Variants in PCOLCE2 observed in about 807,000 individuals in gnomAD.
The protein encoded by PCOLCE2 is procollagen C-proteinase enhancer 2.
PCOLCE2 carries 42 observed loss-of-function variants against 47.0 expected under a neutral mutation model. That is an observed-to-expected ratio of 0.89 (90% CI 0.70 to 1.16). The LOEUF (loss-of-function observed/expected upper bound fraction) is 1.16. PCOLCE2 is among the 50% of genes most tolerant of loss of function. The pLI is 0.00. For synonymous variants in PCOLCE2, 169 were observed against 191.7 expected, an observed-to-expected ratio of 0.88 and a Z score of 0.98; for missense variants, 500 against 526.1, an observed-to-expected ratio of 0.95 and a Z score of 0.49.
intron 8 of PCOLCE2, among the ~76,000 whole-genome samples, chr3:142,819,483 C>T (rs1936988552): frequency 6.6e-6 from 1 of 152,086 alleles, no homozygotes; most frequent in Non-Finnish European, 1.5e-5. Context: ...ATTATGAGAC[C>T]TTATAGAATC....
intron 2 of PCOLCE2, among the ~76,000 whole-genome samples, chr3:142,866,500 C>A (rs1197684883): frequency 6.6e-6 from 1 of 152,024 alleles, no homozygotes; most frequent in Admixed American, 6.6e-5. Flanking sequence ...ATCAATCAAT[C>A]AATAATAAAT....
intron 2 of PCOLCE2, among the ~76,000 whole-genome samples, chr3:142,857,769 T>G (rs1300742535): frequency 1.3e-5 from 2 of 152,154 alleles, no homozygotes. Flanking sequence ...GTTGAATGAA[T>G]GAACAGCTGT....
intron 8 of PCOLCE2, among the ~76,000 whole-genome samples, chr3:142,819,839 G>A (rs144692732): frequency 6.4e-4 from 98 of 152,112 alleles, no homozygotes; most frequent in African/African-American, 2.3e-3. Context: ...TAGAGCAGAG[G>A]TCTCACTATG....
intron 6 of PCOLCE2, among the ~76,000 whole-genome samples, chr3:142,828,445 T>C (rs1322465013): frequency 6.6e-6 from 1 of 152,204 alleles, no homozygotes; most frequent in Admixed American, 6.5e-5. Context: ...CCATATTGGA[T>C]AGCATAGCTG....
chr3:142,830,430 T>A (rs891925030), intron 5 of PCOLCE2, among the ~76,000 whole-genome samples: 4 of 152,154 alleles, frequency 2.6e-5, no homozygotes, highest in Admixed American at 2.6e-4. Context: ...TTCTATCCAC[T>A]CCGGGCTAAG....
At chr3:142,858,221 T>C (rs542744194) in intron 2 of PCOLCE2, among the ~76,000 whole-genome samples, 1 of 152,310 alleles carries the variant, frequency 6.6e-6, no homozygotes, top group Admixed American at 6.5e-5. Context: ...GTGTCTGCAG[T>C]GTGCACCTGG....
intron 2 of PCOLCE2, among the ~76,000 whole-genome samples, chr3:142,858,499 T>C (rs922713450): frequency 1.3e-5 from 2 of 152,186 alleles, no homozygotes; most frequent in African/African-American, 2.4e-5. Context: ...CACACACACA[T>C]GCGCACACAT....
chr3:142,884,673 T>C (rs930087787), intron 2 of PCOLCE2, among the ~76,000 whole-genome samples: 31 of 152,214 alleles, frequency 2.0e-4, no homozygotes, highest in Non-Finnish European at 3.8e-4. Context: ...TCAAGAGTCT[T>C]GAGTTCCAGT....
At chr3:142,855,319 T>C (rs1293262770) in intron 2 of PCOLCE2, among the ~76,000 whole-genome samples, 1 of 144,810 alleles carries the variant, frequency 6.9e-6, no homozygotes. Context: ...ATTGAATAAA[T>C]GACTGCGATC....
intron 6 of PCOLCE2, chr3:142,827,299 C>T (rs894083048): frequency 2.2e-6 from 3 of 1,340,176 alleles, no homozygotes; most frequent in Non-Finnish European, 3.2e-6. Context: ...TCCTCTTTGC[C>T]TTATATTTGT....
chr3:142,824,418 T>G (rs538749248), intron 6 of PCOLCE2, among the ~76,000 whole-genome samples: 1 of 152,052 alleles, frequency 6.6e-6, no homozygotes, highest in African/African-American at 2.4e-5. Flanking sequence ...AGTGCTGAGG[T>G]AGAGAAACCC....
Position 142,843,033 on chromosome 3 carries a change from C to T in PCOLCE2, c.464G>A (p.Gly155Glu). Residue 155 changes from glycine to glutamate, a missense_variant, in exon 4 of 9, where the codon GGA becomes GAA. Gly to Glu is a moderately conservative substitution (Grantham distance 98). Coordinates refer to ENST00000295992, the MANE Select transcript of PCOLCE2 (RefSeq NM_013363.4). ...GCCGGAAGGTCTGTCAAGGAGTCCTCCACAATACTGATCCCCTTCAAGTAT... is the reference window on the plus strand; with the variant it reads ...GCCGGAAGGTCTGTCAAGGAGTCCTTCACAATACTGATCCCCTTCAAGTAT... Reference protein sequence around the residue: ...EPNERGDQYCGGLLDRPSGSF... With the variant: ...EPNERGDQYCEGLLDRPSGSF... 1 of 1,613,844 alleles carries T rather than the reference C, an allele frequency of 6.2e-7. No homozygotes were observed. The highest frequency in any genetic ancestry group is 8.5e-7 in the Non-Finnish European group (1 of 1,179,798).
intron 2 of PCOLCE2, among the ~76,000 whole-genome samples, chr3:142,852,973 G>A (rs1189327327): frequency 1.3e-5 from 2 of 151,456 alleles, no homozygotes; most frequent in African/African-American, 2.4e-5. Flanking sequence ...GGATGTGGTG[G>A]TGCATGCCTG....
chr3:142,853,742 A>C (rs1226207179), intron 2 of PCOLCE2, among the ~76,000 whole-genome samples: 1 of 152,230 alleles, frequency 6.6e-6, no homozygotes, highest in Non-Finnish European at 1.5e-5. Context: ...TCTCCTGTAA[A>C]TGCTAACACT....
chr3:142,827,262 C>A, intron 6 of PCOLCE2: 3 of 1,247,160 alleles, frequency 2.4e-6, no homozygotes. Flanking sequence ...GGGTTCATGG[C>A]CACATCCCAT....
chr3:142,886,534 T>C (rs895691834), intron 2 of PCOLCE2, among the ~76,000 whole-genome samples: 2 of 152,192 alleles, frequency 1.3e-5, no homozygotes, highest in African/African-American at 4.8e-5. Context: ...GTTTGTGACA[T>C]GGTTGGCATT....
chr3:142,888,828 C>A lies in PCOLCE2; in HGVS notation c.69G>T (p.Gln23His). The A allele has an allele frequency of 6.5e-7, 1 of 1,542,910 alleles. No homozygotes were observed. Among genetic ancestry groups the A allele is most frequent in the Non-Finnish European group, 8.7e-7 (1 of 1,147,286 alleles). The change falls in exon 1 of 9, where the codon CAG becomes CAT. Residue 23 changes from glutamine to histidine, a missense_variant. Coordinates refer to ENST00000295992, the MANE Select transcript of PCOLCE2 (RefSeq NM_013363.4). ...GGTCGCGTTACCTCTCTGGGGACTG[C>A]TGCCGCGAGAGCTGGGTGGCGGCAG... is the stretch of plus-strand genomic sequence containing the variant. ...LLAAATQLSR[Q>H]QSPERPVFTC...
In PCOLCE2 at chr3:142,888,798, G is replaced by T; in HGVS notation, c.83+16C>A. 1 of 1,451,560 alleles carries T rather than the reference G, an allele frequency of 6.9e-7. No individual in the cohort carries two copies. Among genetic ancestry groups the T allele is most frequent in the Non-Finnish European group, 9.2e-7 (1 of 1,089,084 alleles). 89.9% of individuals were successfully genotyped at this position (1,451,560 alleles called of 1,614,324 possible). On this transcript the variant is annotated intron_variant, in intron 1 of 8. Transcript: ENST00000295992. ...GGGAAAGGAGAGAAAGGGAGCCCGG[G>T]CAGGGGTCGCGTTACCTCTCTGGGG...
chr3:142,851,619 G>T (rs58228742), intron 2 of PCOLCE2, among the ~76,000 whole-genome samples: 1,575 of 152,274 alleles, frequency 0.01, 32 homozygotes, highest in African/African-American at 0.036. Context: ...TGGAGGATAA[G>T]TTATTTGGCG....
Sources: gnomAD v4.1 joint callset for allele counts (sites outside exome capture counted in the v4.1 genomes callset) on GRCh38, gnomAD v4.1.1 for gene constraint, MANE v1.5 for transcripts, NCBI Gene and HGNC (gene_info 2026-07-23, HGNC 2026-07-21) for gene names.